KANK1: variants seen among roughly 807,000 people sequenced by gnomAD.
The protein encoded by KANK1 is KN motif and ankyrin repeat domain-containing protein 1.
KANK1 carries 109 observed loss-of-function variants against 106.2 expected under a neutral mutation model. That is an observed-to-expected ratio of 1.03 (90% CI 0.88 to 1.20). KANK1 has a LOEUF of 1.20. Among genes scored for constraint, KANK1 ranks in the 50% most tolerant of loss-of-function variants. The pLI is 0.00. For missense variants in KANK1, 2,399 were observed against 1,710.7 expected, an observed-to-expected ratio of 1.40 and a Z score of -7.10; for synonymous variants, 873 against 652.2, an observed-to-expected ratio of 1.34 and a Z score of -5.16.
intron 1 of KANK1, among the ~76,000 whole-genome samples, chr9:550,662 G>A (rs2061224224): frequency 6.6e-6 from 1 of 152,284 alleles, no homozygotes; most frequent in South Asian, 2.1e-4. Flanking sequence ...TTCTTTGTTG[G>A]ATTAAATTCT....
intron 1 of KANK1, among the ~76,000 whole-genome samples, chr9:631,551 T>TTCC (rs1311190329): frequency 2.0e-5 from 3 of 147,074 alleles, no homozygotes; most frequent in Non-Finnish European, 4.5e-5. Flanking sequence ...TTCTTCCACA[T>TTCC]TCCTCCTCCT....
chr9:661,842 T>C (rs13290758), intron 1 of KANK1, among the ~76,000 whole-genome samples: 126,726 of 151,222 alleles, frequency 0.84, 53,245 homozygotes, highest in East Asian at 0.97. Context: ...TGGTATCTCA[T>C]TGTGGTTTTG....
At chr9:630,764 G>A (rs1835511663) in intron 1 of KANK1, among the ~76,000 whole-genome samples, 1 of 151,084 alleles carries the variant, frequency 6.6e-6, no homozygotes, top group African/African-American at 2.4e-5. Flanking sequence ...TTAGCCAGGT[G>A]TGGTGGCAGG....
chr9:614,168 C>G (rs953207841), intron 1 of KANK1, among the ~76,000 whole-genome samples: 1 of 152,146 alleles, frequency 6.6e-6, no homozygotes, highest in African/African-American at 2.4e-5. Flanking sequence ...GCAGGAGTTA[C>G]TGACAAGAGT....
At chr9:680,546 C>T (rs1281787995) in intron 2 of KANK1, among the ~76,000 whole-genome samples, 1 of 152,142 alleles carries the variant, frequency 6.6e-6, no homozygotes, top group Non-Finnish European at 1.5e-5. Context: ...AAGAAATAAA[C>T]CTTATTAATA....
intron 1 of KANK1, among the ~76,000 whole-genome samples, chr9:592,507 A>G (rs1825207751): frequency 6.6e-6 from 1 of 151,800 alleles, no homozygotes; most frequent in Non-Finnish European, 1.5e-5. Context: ...CTTTCACTGG[A>G]TACCTGTGTC....
chr9:626,448 G>T (rs1407732037), intron 1 of KANK1, among the ~76,000 whole-genome samples: 1 of 151,982 alleles, frequency 6.6e-6, no homozygotes, highest in Non-Finnish European at 1.5e-5. Flanking sequence ...ACAAAAAAAA[G>T]CTGTGCCAAT....
intron 2 of KANK1, among the ~76,000 whole-genome samples, chr9:697,172 C>T (rs1297106246): frequency 6.6e-6 from 1 of 151,774 alleles, no homozygotes; most frequent in Non-Finnish European, 1.5e-5. Context: ...CTCGTTTTTA[C>T]CTTTTTTTCA....
chr9:564,146 G>A (rs1205572241), intron 1 of KANK1, among the ~76,000 whole-genome samples: 6 of 150,498 alleles, frequency 4.0e-5, no homozygotes, highest in African/African-American at 9.8e-5. Flanking sequence ...TGCAAGCTCC[G>A]CCTCCCGGGT....
At chr9:729,943 TG>T in intron 3 of KANK1, 107 bp from the exon 4 acceptor site, 1 of 955,868 alleles carries the variant, frequency 1.0e-6, no homozygotes, top group Non-Finnish European at 1.5e-6. Flanking sequence ...TTTTGGTGGC[TG>T]GGATAATAGT....
At chr9:563,127 C>T (rs1410696911) in intron 1 of KANK1, among the ~76,000 whole-genome samples, 2 of 151,622 alleles carry the variant, frequency 1.3e-5, no homozygotes, top group Non-Finnish European at 2.9e-5. Context: ...GGAACCAAGC[C>T]TGTGTTCTGT....
chr9:601,527 A>C (rs1298243679), intron 1 of KANK1, among the ~76,000 whole-genome samples: 2 of 151,822 alleles, frequency 1.3e-5, no homozygotes, highest in Non-Finnish European at 2.9e-5. Context: ...TTTGTTTTGA[A>C]AGAAGACCAC....
At chr9:663,810 C>T (rs1006904064) in intron 1 of KANK1, among the ~76,000 whole-genome samples, 1 of 152,124 alleles carries the variant, frequency 6.6e-6, no homozygotes, top group Admixed American at 6.5e-5. Flanking sequence ...GGCAGTGCAG[C>T]CCTTGTGTAC....
chr9:589,575 C>T lies in KANK1; in HGVS notation c.-84+84821C>T, dbSNP rs115604567. Among the ~76,000 whole-genome samples, 258 of 152,116 alleles carry T rather than the reference C, an allele frequency of 1.7e-3. 1 individual carries two copies. The highest frequency in any genetic ancestry group is 5.9e-3 in the African/African-American group (245 of 41,508). On this transcript the variant is annotated intron_variant, in intron 1 of 11. Transcript: ENST00000382297. ...AAACAGGGGGCCAGGACTTCCGTGACTACAGGGCTGGCTGAATAGATCAGG... is the reference window on the plus strand; with the variant it reads ...AAACAGGGGGCCAGGACTTCCGTGATTACAGGGCTGGCTGAATAGATCAGG...
rs534740627 is a variant in KANK1 at position 592,442 on chromosome 9, G to A, written c.-83-84448G>A. ...ATGCCCGCAGCACTGGCTTGTCAGG[G>A]CCACAGCTGCTATGACTCTTTCTTT... is the stretch of plus-strand genomic sequence containing the variant. On this transcript the variant is annotated intron_variant, in intron 1 of 11. Coordinates refer to ENST00000382297, the MANE Select transcript of KANK1 (RefSeq NM_015158.5). Among the ~76,000 whole-genome samples, 6 of 151,050 alleles carry A rather than the reference G, an allele frequency of 4.0e-5. No homozygotes were observed. The South Asian group carries it at 1.0e-3, about 26-fold the overall frequency.
chr9:580,279 A>C (rs1199599382), intron 1 of KANK1, among the ~76,000 whole-genome samples: 1 of 152,052 alleles, frequency 6.6e-6, no homozygotes, highest in Non-Finnish European at 1.5e-5. Context: ...GAAGCTGCAG[A>C]CCTTCCTGGT....
At chr9:662,127 A>G (rs962000466) in intron 1 of KANK1, among the ~76,000 whole-genome samples, 1 of 152,122 alleles carries the variant, frequency 6.6e-6, no homozygotes, top group Non-Finnish European at 1.5e-5. Context: ...AAGGGATGTG[A>G]AGGACCTCTT....
chr9:542,378 T>C (rs1410562764), intron 1 of KANK1, among the ~76,000 whole-genome samples: 1 of 152,192 alleles, frequency 6.6e-6, no homozygotes, highest in Admixed American at 6.5e-5. Flanking sequence ...TCACATCTAC[T>C]AGAATGGATA....
intron 1 of KANK1, among the ~76,000 whole-genome samples, chr9:619,031 G>T (rs976053646): frequency 2.0e-5 from 3 of 152,152 alleles, no homozygotes; most frequent in African/African-American, 2.4e-5. Flanking sequence ...CTTAAATTTA[G>T]TGTCTGTTGG....
Sources: allele counts gnomAD v4.1 joint callset (sites outside exome capture counted in the v4.1 genomes callset), GRCh38; gene constraint gnomAD v4.1.1; transcripts MANE v1.5; gene names NCBI Gene and HGNC (gene_info 2026-07-23, HGNC 2026-07-21).